The following TEX10 variants were observed in gnomAD, a reference collection of about 807,000 sequenced individuals.
TEX10 encodes the protein testis expressed 10.
In TEX10, 24 loss-of-function variants were observed where a neutral mutation model predicts 104.4. The ratio of observed to expected loss-of-function variants is 0.23; its 90% confidence interval spans 0.17 to 0.32. The LOEUF is 0.32. TEX10 is among the 10% of genes least tolerant of loss of function. The pLI, the probability that TEX10 is intolerant of heterozygous loss-of-function variation, is 1.00. For synonymous variants in TEX10, 396 were observed against 393.4 expected (o/e 1.01, Z -0.08); for missense variants, 921 against 1,083.9 (o/e 0.85, Z 2.11).
At position 100,327,960 on chromosome 9, in the gene TEX10, T is replaced by C; in HGVS notation, c.1628A>G (p.Tyr543Cys). The C allele has an allele frequency of 6.5e-7, 1 of 1,547,534 alleles. No individual in the cohort carries two copies. Among genetic ancestry groups the C allele is most frequent in the Non-Finnish European group, 8.8e-7 (1 of 1,137,132 alleles). Residue 543 changes from tyrosine (Y) to cysteine (C), a missense_variant and splice_region_variant, in exon 8 of 15, where the codon TAT becomes TGT. Around this residue, in one of 3 missense-constraint regions of TEX10, gnomAD observed 753 missense variants for 868.4 expected, o/e 0.87. Transcript: ENST00000374902. ...TEELRSCRFRYRSKVLSRWLA... is the reference protein window; with the variant it reads ...TEELRSCRFRCRSKVLSRWLA... ...CCAACGGGATAACACTTTACTACGA[T>C]ATCTTAGAAAGGCCAAAGAAGAATA... is the stretch of plus-strand genomic sequence containing the variant.
rs1281304598 is a variant in TEX10 at position 100,329,245 on chromosome 9, T to A, written c.1520A>T (p.Tyr507Phe). The A allele has an allele frequency of 6.2e-7, 1 of 1,608,500 alleles. No individual in the cohort carries two copies. The highest frequency in any genetic ancestry group is 8.5e-7 in the Non-Finnish European group (1 of 1,178,834). The change falls in exon 7 of 15, where the codon TAT (tyrosine) becomes TTT (phenylalanine). Residue 507 changes from tyrosine to phenylalanine, a missense_variant. Tyr to Phe is a conservative substitution (Grantham distance 22, BLOSUM62 3). Coordinates refer to ENST00000374902, the MANE Select transcript of TEX10 (RefSeq NM_017746.4). ...EDTETLIKAV[Y>F]TLYQQRGLIL... ...AAGGCCCCTCTGCTGATATAATGTATAAACTGCCTTAATAAGAGTCTCTGT... is the reference window on the plus strand; with the variant it reads ...AAGGCCCCTCTGCTGATATAATGTAAAAACTGCCTTAATAAGAGTCTCTGT...
intron 5 of TEX10, among the ~76,000 whole-genome samples, chr9:100,334,427 G>A (rs183967148): frequency 3.9e-5 from 6 of 152,204 alleles, no homozygotes; most frequent in Admixed American, 2.6e-4. Context: ...TCAGAAATGC[G>A]AGAGAAATAC....
At chr9:100,337,820 T>C (rs751323929) in intron 5 of TEX10, among the ~76,000 whole-genome samples, 8 of 152,200 alleles carry the variant, frequency 5.3e-5, no homozygotes, top group Non-Finnish European at 1.0e-4. Flanking sequence ...CCTGAAACCA[T>C]ATCCACGTTC....
chr9:100,308,506 C>A lies in TEX10; in HGVS notation c.2459G>T (p.Arg820Ile). 1 of 1,583,472 alleles carries A rather than the reference C, an allele frequency of 6.3e-7. No individual in the cohort carries two copies. Among genetic ancestry groups the A allele is most frequent in the South Asian group, 1.2e-5 (1 of 84,758 alleles). ...AAGAATAAAAAATAATTACCTCTTT[C>A]TTAGATGTTCTGCTTCCCCTTTCTC... The part of the protein sequence containing the change: ...TIEKGEAEHL[R>I]KRDKLWGVCV... Residue 820 changes from arginine (R) to isoleucine (I), a missense_variant, in exon 13 of 15, where the codon AGA (arginine) becomes ATA (isoleucine). This residue lies in a region of TEX10 where 753 missense variants were observed against 868.4 expected (regional missense o/e 0.87). Transcript: ENST00000374902.
In TEX10 at chr9:100,337,378, C is replaced by T. The variant is rs543322910; in HGVS notation, c.1250+2879G>A. ...CTAAACATCTAAACCACAATTTAAT[C>T]ACATTTTGATGAAAATTATACATGG... On this transcript the variant is annotated intron_variant, in intron 5 of 14. Coordinates refer to ENST00000374902, the MANE Select transcript of TEX10 (RefSeq NM_017746.4). Among the ~76,000 whole-genome samples, 151 of 152,312 alleles carry T rather than the reference C, an allele frequency of 9.9e-4. 2 individuals are homozygous for T. The highest frequency in any genetic ancestry group is 3.6e-3 in the African/African-American group (148 of 41,560).
At chr9:100,336,566 A>T (rs994365419) in intron 5 of TEX10, among the ~76,000 whole-genome samples, 4 of 152,210 alleles carry the variant, frequency 2.6e-5, no homozygotes, top group African/African-American at 9.6e-5. Context: ...AGTTGCAGGA[A>T]AACAAGCTCA....
chr9:100,349,412 CAA>C, intron 1 of TEX10, 40 bp from the exon 2 acceptor site: 2 of 1,394,468 alleles, frequency 1.4e-6, no homozygotes, highest in Non-Finnish European at 1.9e-6. Context: ...TGGATAGAGA[CAA>C]GAATAAATTA....
chr9:100,321,599 C>T (rs1013795055), intron 10 of TEX10, 84 bp downstream of exon 10: 1 of 1,127,420 alleles, frequency 8.9e-7, no homozygotes, highest in African/African-American at 1.5e-5. Context: ...CTGAACCAAA[C>T]TGATAAAATG....
intron 6 of TEX10, 52 bp from the exon 7 acceptor site, chr9:100,329,327 C>A: frequency 1.3e-6 from 2 of 1,568,874 alleles, no homozygotes; most frequent in Non-Finnish European, 1.7e-6. Context: ...TGTTTAACAG[C>A]CCCCAAATTC....
chr9:100,331,024 G>A (rs949560133), intron 5 of TEX10, among the ~76,000 whole-genome samples: 2 of 151,484 alleles, frequency 1.3e-5, no homozygotes, highest in Admixed American at 6.6e-5. Context: ...GAGAAGCCGA[G>A]GCAGGTGGAT....
At chr9:100,349,073 C>T in intron 2 of TEX10, 111 bp downstream of exon 2, 1 of 878,744 alleles carries the variant, frequency 1.1e-6, no homozygotes. Context: ...AACCCTAAGA[C>T]CCTAGGCAAA....
chr9:100,311,681 TAG>T (rs1465751910), intron 11 of TEX10, among the ~76,000 whole-genome samples: 4 of 152,140 alleles, frequency 2.6e-5, no homozygotes, highest in African/African-American at 7.2e-5. Context: ...GCACAAAAAG[TAG>T]AGAGTTAGAA....
At chr9:100,352,602 G>A (rs1835485425) in intron 1 of TEX10, 170 bp downstream of exon 1, 2 of 1,493,662 alleles carry the variant, frequency 1.3e-6, no homozygotes, top group Non-Finnish European at 8.9e-7. Flanking sequence ...CCGCAGTGCC[G>A]GCCGCACACC....
chr9:100,318,740 G>A (rs1236260322), intron 11 of TEX10, among the ~76,000 whole-genome samples: 1 of 152,172 alleles, frequency 6.6e-6, no homozygotes, highest in African/African-American at 2.4e-5. Context: ...GCCTATTAGG[G>A]CAAAAGATCA....
chr9:100,333,031 G>T (rs1397208071), intron 5 of TEX10, among the ~76,000 whole-genome samples: 3 of 151,970 alleles, frequency 2.0e-5, no homozygotes, highest in Non-Finnish European at 4.4e-5. Context: ...TTGAGACAGA[G>T]TGTTGCTCTG....
In TEX10 at chr9:100,346,713, T is replaced by G; in HGVS notation, c.874A>C (p.Ser292Arg). Residue 292 changes from serine (S) to arginine (R), a missense_variant, in exon 3 of 15, where the codon AGT becomes CGT. By Grantham distance (110) the Ser-to-Arg change is moderately radical (BLOSUM62 -1). This residue lies in a region of TEX10 where 753 missense variants were observed against 868.4 expected (regional missense o/e 0.87). Transcript: ENST00000374902. ...TCTTACCGTAGCCTGAACTGTGAAC[T>G]GACATTTGGCTGTGAACCCCCATTT... is the stretch of plus-strand genomic sequence containing the variant. ...YENGGSQPNV[S>R]SQFRLRYLVG... 1.2e-6 allele frequency: 2 copies of G among 1,612,842 alleles called. No homozygotes were observed. The highest frequency in any genetic ancestry group is 4.5e-5 in the East Asian group (2 of 44,884).
Position 100,340,478 on chromosome 9 carries a change from C to T in TEX10, c.1138-109G>A, listed in dbSNP as rs1287388911. On this transcript the variant is annotated intron_variant, in intron 4 of 14. Transcript: ENST00000374902. ...CAAATAAATGTCCCATCATAATTCACTTTCTACCAGTAATATAATATGTAA... is the reference window on the plus strand; with the variant it reads ...CAAATAAATGTCCCATCATAATTCATTTTCTACCAGTAATATAATATGTAA... The T allele has an allele frequency of 5.0e-5, 32 of 639,934 alleles. No homozygotes were observed. The East Asian group carries it at 8.8e-4, about 18-fold the overall frequency. 39.6% of individuals were successfully genotyped at this position (639,934 alleles called of 1,614,324 possible).
intron 11 of TEX10, among the ~76,000 whole-genome samples, chr9:100,312,113 T>G (rs920469301): frequency 3.3e-5 from 5 of 152,378 alleles, no homozygotes; most frequent in African/African-American, 1.2e-4. Context: ...CAAGGCCATC[T>G]TCCTACTCCA....
intron 11 of TEX10, among the ~76,000 whole-genome samples, chr9:100,314,086 TTTC>T (rs1405321162): frequency 3.4e-5 from 4 of 118,096 alleles, no homozygotes; most frequent in Non-Finnish European, 6.4e-5. Flanking sequence ...TTTGGAGATT[TTTC>T]TTTTTTTTTT....
Sources: gnomAD v4.1 joint callset for allele counts (sites outside exome capture counted in the v4.1 genomes callset) on GRCh38, gnomAD v4.1.1 for gene constraint, gnomAD v4.1.1 regional missense constraint, MANE v1.5 for transcripts, NCBI Gene and HGNC (gene_info 2026-07-23, HGNC 2026-07-21) for gene names.